Variants in CYB5R3 observed in about 807,000 individuals in gnomAD.
CYB5R3 encodes the protein cytochrome b5 reductase 3.
In CYB5R3, 28 loss-of-function variants were observed where a neutral mutation model predicts 36.5. The ratio of observed to expected loss-of-function variants is 0.77; its 90% CI spans 0.57 to 1.05. The LOEUF (loss-of-function observed/expected upper bound fraction) is 1.05, where lower values mean the gene tolerates loss of function less well. Ranked by LOEUF, CYB5R3 falls within the 50% of genes least tolerant of loss-of-function variation. CYB5R3 has a pLI of 0.00. For missense variants in CYB5R3, 474 were observed against 408.9 expected (o/e 1.16, Z -1.37); for synonymous variants, 181 against 159.8 (o/e 1.13, Z -1.00).
intron 4 of CYB5R3, among the ~76,000 whole-genome samples, chr22:42,629,164 A>G (rs1236905667): frequency 2.0e-5 from 3 of 152,114 alleles, no homozygotes; most frequent in Admixed American, 6.5e-5. Flanking sequence ...ACGTGAACAG[A>G]TGCTTGAGCC....
intron 3 of CYB5R3, 89 bp from the exon 4 acceptor site, chr22:42,631,077 C>T (rs994975090): frequency 1.1e-5 from 13 of 1,212,228 alleles, no homozygotes; most frequent in Admixed American, 3.9e-5. Context: ...GCACCCCACC[C>T]GGCATTCAAA....
chr22:42,622,347 C>T (rs1928023107), intron 8 of CYB5R3, among the ~76,000 whole-genome samples: 1 of 152,036 alleles, frequency 6.6e-6, no homozygotes, highest in Non-Finnish European at 1.5e-5. Context: ...GCCACCATAA[C>T]CGCGCTATAA....
At chr22:42,639,993 G>A in intron 1 of CYB5R3, 1 of 1,612,380 alleles carries the variant, frequency 6.2e-7, no homozygotes, top group Non-Finnish European at 8.5e-7. Flanking sequence ...TGCCACGCTT[G>A]CCTGTGATCT....
At chr22:42,631,103 A>G (rs1928592815) in intron 3 of CYB5R3, 115 bp from the exon 4 acceptor site, 1 of 1,002,068 alleles carries the variant, frequency 1.0e-6, no homozygotes, top group Admixed American at 2.0e-5. Flanking sequence ...GCCTGGCGTC[A>G]GCTCCCACGG....
intron 4 of CYB5R3, among the ~76,000 whole-genome samples, chr22:42,628,656 C>G (rs1012307726): frequency 1.3e-5 from 2 of 152,244 alleles, no homozygotes; most frequent in Admixed American, 6.5e-5. Context: ...AGCCACACTC[C>G]TCCTGGTGGA....
In CYB5R3 at chr22:42,627,413, C is replaced by T. The variant is rs374149278; in HGVS notation, c.548-24G>A. 1.1e-3 allele frequency: 1,694 copies of T among 1,611,260 alleles called. 1 individual carries two copies. The highest frequency in any genetic ancestry group is 1.3e-3 in the Non-Finnish European group (1,586 of 1,178,544). ...GCCTGCAAAATAGCCGGCCGGGCCT[C>T]GCACGTGCTGAGCGAGGCCTGTTCA... On this transcript the variant is annotated intron_variant, in intron 6 of 8. Transcript: ENST00000352397.
chr22:42,626,296 G>C (rs546793930), intron 7 of CYB5R3, among the ~76,000 whole-genome samples: 1 of 152,240 alleles, frequency 6.6e-6, no homozygotes, highest in Non-Finnish European at 1.5e-5. Flanking sequence ...AGGGACAAGA[G>C]CGAGACTTTG....
chr22:42,638,198 C>A (rs1929001519), intron 1 of CYB5R3, among the ~76,000 whole-genome samples: 1 of 151,992 alleles, frequency 6.6e-6, no homozygotes, highest in Non-Finnish European at 1.5e-5. Flanking sequence ...GAGTTCGAGA[C>A]CAGCCTGGCC....
intron 7 of CYB5R3, among the ~76,000 whole-genome samples, chr22:42,624,539 TCCTGGACCCTC>T (rs1467272284): frequency 6.8e-6 from 1 of 146,584 alleles, no homozygotes; most frequent in Non-Finnish European, 1.5e-5. Flanking sequence ...CAGGAAAGCT[TCCTGGACCCTC>T]CAGGGGCTAT....
At chr22:42,635,634 G>A (rs1008565388) in intron 2 of CYB5R3, among the ~76,000 whole-genome samples, 4 of 152,196 alleles carry the variant, frequency 2.6e-5, no homozygotes, top group Non-Finnish European at 4.4e-5. Context: ...TGCCCCAACA[G>A]TTACAGGAAA....
intron 1 of CYB5R3, among the ~76,000 whole-genome samples, chr22:42,637,707 C>G (rs903057045): frequency 1.3e-5 from 2 of 152,190 alleles, no homozygotes; most frequent in Admixed American, 1.3e-4. Flanking sequence ...GGGTACCACA[C>G]GGGCACGGCT....
chr22:42,645,205 G>A (rs535860700), intron 1 of CYB5R3, among the ~76,000 whole-genome samples: 38 of 152,320 alleles, frequency 2.5e-4, no homozygotes, highest in African/African-American at 8.2e-4. Context: ...CCCTGGAGCA[G>A]ACCGCAGGAT....
chr22:42,633,627 T>A (rs906069806), intron 2 of CYB5R3, among the ~76,000 whole-genome samples: 1 of 152,008 alleles, frequency 6.6e-6, no homozygotes, highest in African/African-American at 2.4e-5. Context: ...CTACTAAAAA[T>A]ACAAAATTAG....
intron 2 of CYB5R3, among the ~76,000 whole-genome samples, chr22:42,634,391 T>C (rs1264871890): frequency 2.9e-4 from 44 of 151,952 alleles, no homozygotes; most frequent in Admixed American, 2.9e-3. Context: ...AAAAATCATA[T>C]CGCAAGGTTA....
chr22:42,634,466 AAC>A (rs1928777033), intron 2 of CYB5R3, among the ~76,000 whole-genome samples: 1 of 152,002 alleles, frequency 6.6e-6, no homozygotes, highest in Admixed American at 6.6e-5. Flanking sequence ...ATTTTTTTGA[AAC>A]AGAGTTTCGC....
chr22:42,648,514 A>C (rs1929628308), intron 1 of CYB5R3, among the ~76,000 whole-genome samples: 2 of 152,202 alleles, frequency 1.3e-5, no homozygotes, highest in South Asian at 4.1e-4. Flanking sequence ...ACAGCAGCAG[A>C]GTGGACTTTG....
intron 1 of CYB5R3, among the ~76,000 whole-genome samples, chr22:42,645,529 C>T (rs1315569646): frequency 6.6e-6 from 1 of 152,160 alleles, no homozygotes; most frequent in Non-Finnish European, 1.5e-5. Flanking sequence ...CGTGGCTGAG[C>T]TGGGAGTCAA....
intron 8 of CYB5R3, among the ~76,000 whole-genome samples, chr22:42,620,889 T>C (rs182159293): frequency 6.6e-6 from 1 of 152,320 alleles, no homozygotes; most frequent in Admixed American, 6.5e-5. Context: ...GCGTACATTA[T>C]AGTCCGTTTT....
intron 8 of CYB5R3, 100 bp downstream of exon 8, chr22:42,623,689 C>A (rs1288697956): frequency 9.3e-6 from 9 of 968,242 alleles, no homozygotes; most frequent in African/African-American, 1.6e-5. Flanking sequence ...ATAGTGAGTG[C>A]CAGATGTCGT....
Sources: allele counts gnomAD v4.1 joint callset (sites outside exome capture counted in the v4.1 genomes callset), GRCh38; gene constraint gnomAD v4.1.1; transcripts MANE v1.5; gene names NCBI Gene and HGNC (gene_info 2026-07-23, HGNC 2026-07-21).